The following ATP7B variants were observed in gnomAD, a reference collection of about 807,000 sequenced individuals.
ATP7B encodes the protein ATPase copper transporting beta, also known as copper-transporting ATPase 2.
In ATP7B, 113 loss-of-function variants were observed where a neutral mutation model predicts 118.9. The observed-to-expected ratio is 0.95, with a 90% CI of 0.82 to 1.11. The LOEUF is 1.11. ATP7B is among the 50% of genes most tolerant of loss of function. ATP7B has a pLI of 0.00. For synonymous variants in ATP7B, 777 were observed against 727.4 expected (o/e 1.07, Z -1.10); for missense variants, 1,867 against 1,871.4 (o/e 1.00, Z 0.04).
chr13:52,011,226 G>C lies in ATP7B; in HGVS notation c.51+61C>G, dbSNP rs981941143. 3.1e-6 allele frequency: 5 copies of C among 1,613,514 alleles called. No homozygotes were observed. In the Admixed American group the frequency reaches 5.0e-5, roughly 16 times the overall value. ...GGGGGCGAGTAAGCGCCGAACGCGG[G>C]GAGGAAAATCCTCCTGGTGGGAGTG... On this transcript the variant is annotated intron_variant, in intron 1 of 20. Coordinates refer to ENST00000242839, the MANE Select transcript of ATP7B (RefSeq NM_000053.4).
intron 2 of ATP7B, among the ~76,000 whole-genome samples, chr13:51,971,131 T>TCCTC (rs1488148940): frequency 1.3e-5 from 2 of 152,226 alleles, no homozygotes; most frequent in African/African-American, 4.8e-5. Flanking sequence ...CGCAAGGCTG[T>TCCTC]CCTCAAGGAG....
At chr13:52,003,318 T>C (rs1415175214) in intron 1 of ATP7B, among the ~76,000 whole-genome samples, 1 of 152,130 alleles carries the variant, frequency 6.6e-6, no homozygotes, top group African/African-American at 2.4e-5. Context: ...TTTAATATTG[T>C]TGTGTCTTAG....
At chr13:51,935,167 C>A in intron 20 of ATP7B, 138 bp from the exon 21 acceptor site, 1 of 1,248,404 alleles carries the variant, frequency 8.0e-7, no homozygotes, top group Non-Finnish European at 1.1e-6. Context: ...AGGAAAAGGA[C>A]ATTAAACTCC....
chr13:51,938,818 C>T (rs1957132974), intron 17 of ATP7B, among the ~76,000 whole-genome samples: 1 of 152,208 alleles, frequency 6.6e-6, no homozygotes, highest in South Asian at 2.1e-4. Flanking sequence ...AACCCTGGAA[C>T]TCCTTTTTTT....
At chr13:51,936,139 A>C (rs998761814) in intron 19 of ATP7B, among the ~76,000 whole-genome samples, 1 of 152,214 alleles carries the variant, frequency 6.6e-6, no homozygotes, top group African/African-American at 2.4e-5. Context: ...GGGCTTCATG[A>C]CATCTTTAGA....
rs1344591442 is a variant in ATP7B, at chr13:52,003,784, A to C, written c.51+7503T>G. Among the ~76,000 whole-genome samples the C allele has an allele frequency of 2.0e-5, 3 of 152,326 alleles. No homozygotes were observed. In the East Asian group the frequency reaches 5.8e-4, roughly 29 times the overall value. ...CACCTGGAGCAGGCAGCTGTTCCTC[A>C]GCTCCAGCCAACTGTTGTCAAAAGG... On this transcript the variant is annotated intron_variant, in intron 1 of 20. Transcript: ENST00000242839.
intron 1 of ATP7B, among the ~76,000 whole-genome samples, chr13:51,986,339 C>A (rs1187632882): frequency 6.6e-6 from 1 of 152,188 alleles, no homozygotes; most frequent in Non-Finnish European, 1.5e-5. Flanking sequence ...TTCCTGGACA[C>A]ATACACCCTC....
chr13:51,973,531 C>T (rs1434894498), intron 2 of ATP7B, among the ~76,000 whole-genome samples: 2 of 152,210 alleles, frequency 1.3e-5, no homozygotes, highest in Non-Finnish European at 2.9e-5. Context: ...TAAGCAACCA[C>T]GTGAGCATGC....
chr13:52,010,924 A>G (rs1953996897), intron 1 of ATP7B, among the ~76,000 whole-genome samples: 1 of 152,244 alleles, frequency 6.6e-6, no homozygotes, highest in East Asian at 1.9e-4. Flanking sequence ...GGACCTCGAT[A>G]TACCATATCT....
chr13:51,994,573 A>C (rs1490991477), intron 1 of ATP7B, among the ~76,000 whole-genome samples: 1 of 152,232 alleles, frequency 6.6e-6, no homozygotes, highest in Non-Finnish European at 1.5e-5. Flanking sequence ...AAATACTCAA[A>C]AGGAGTTTCT....
At chr13:51,965,352 C>T (rs1951493661) in intron 4 of ATP7B, among the ~76,000 whole-genome samples, 1 of 152,150 alleles carries the variant, frequency 6.6e-6, no homozygotes, top group East Asian at 1.9e-4. Flanking sequence ...TGTCTGTTAC[C>T]TCACTGGCAA....
In ATP7B at chr13:51,970,590, G is replaced by A; in HGVS notation, c.1445C>T (p.Thr482Ile). ...PDILAKSPQS[T>I]RAVAPQKCFL... ...GCACTTCTGCGGTGCCACTGCTCTG[G>A]TTGATTGTGGGGACTTTGCCAAGAT... Residue 482 changes from threonine to isoleucine, a missense_variant, in exon 3 of 21, where the codon ACC (threonine) becomes ATC (isoleucine). Physicochemically the swap from Thr to Ile is moderately conservative, Grantham distance 89. Coordinates refer to ENST00000242839, the MANE Select transcript of ATP7B (RefSeq NM_000053.4). The A allele has an allele frequency of 5.6e-6, 9 of 1,614,090 alleles. No individual in the cohort carries two copies. The highest frequency in any genetic ancestry group is 7.6e-6 in the Non-Finnish European group (9 of 1,180,022).
intron 11 of ATP7B, 80 bp from the exon 12 acceptor site, chr13:51,949,876 G>A (rs1957886910): frequency 1.9e-6 from 3 of 1,610,402 alleles, no homozygotes; most frequent in Non-Finnish European, 2.5e-6. Flanking sequence ...ATAAAGATTG[G>A]GATAATCTCC....
rs2139767115 is a variant in ATP7B, at chr13:51,964,863, A to G, written c.1869+9T>C. On this transcript the variant is annotated intron_variant, in intron 5 of 20. Coordinates refer to ENST00000242839, the MANE Select transcript of ATP7B (RefSeq NM_000053.4). ...AAAGGTGACTACAATTTTTTAATGA[A>G]TTACTTACCTCAATAATTTTGATAA... The G allele has an allele frequency of 6.2e-7, 1 of 1,613,294 alleles. No homozygotes were observed. The highest frequency in any genetic ancestry group is 1.1e-5 in the South Asian group (1 of 91,064).
At position 51,932,833 on chromosome 13, in the gene ATP7B, T is replaced by A. The variant is rs539611782; in HGVS notation, c.*1923A>T. ...TGTCCATATATGAACACAACGTTTATGGTCCTAAAAGTTTTAAAAATCAAC... is the reference window on the plus strand; with the variant it reads ...TGTCCATATATGAACACAACGTTTAAGGTCCTAAAAGTTTTAAAAATCAAC... On this transcript the variant is annotated 3_prime_UTR_variant, in exon 21 of 21. Coordinates refer to ENST00000242839, the MANE Select transcript of ATP7B (RefSeq NM_000053.4). The A allele has an allele frequency of 6.6e-6, 1 of 152,214 alleles. No individual in the cohort carries two copies. The highest frequency in any genetic ancestry group is 2.4e-5 in the African/African-American group (1 of 41,454). 9.4% of individuals were successfully genotyped at this position (152,214 alleles called of 1,614,324 possible).
intron 1 of ATP7B, among the ~76,000 whole-genome samples, chr13:51,976,559 T>C (rs959764930): frequency 4.6e-5 from 7 of 152,208 alleles, no homozygotes; most frequent in African/African-American, 1.7e-4. Flanking sequence ...TTAAGGATGG[T>C]GATACATTCT....
intron 1 of ATP7B, chr13:51,975,574 C>T: frequency 1.9e-6 from 1 of 516,802 alleles, no homozygotes; most frequent in South Asian, 1.4e-5. Context: ...TGATACCTCC[C>T]CACAGAACTT....
intron 1 of ATP7B, among the ~76,000 whole-genome samples, chr13:51,992,265 T>C (rs114023355): frequency 0.012 from 1,858 of 152,314 alleles, 40 homozygotes; most frequent in African/African-American, 0.043. Context: ...TTCCATTCAC[T>C]ATGAATTAGC....
intron 1 of ATP7B, among the ~76,000 whole-genome samples, chr13:52,001,138 T>C (rs1953473293): frequency 1.3e-5 from 2 of 152,218 alleles, no homozygotes; most frequent in Admixed American, 6.5e-5. Context: ...GCATCCAGCA[T>C]CTAATGACTT....
Sources: allele counts gnomAD v4.1 joint callset (sites outside exome capture counted in the v4.1 genomes callset), GRCh38; gene constraint gnomAD v4.1.1; transcripts MANE v1.5; gene names NCBI Gene and HGNC (gene_info 2026-07-23, HGNC 2026-07-21).